NRXN1: variants seen among roughly 807,000 people sequenced by gnomAD.
The protein encoded by NRXN1 is neurexin-1.
NRXN1 carries 39 observed loss-of-function variants against 150.9 expected under a neutral mutation model. The ratio of observed to expected loss-of-function variants is 0.26; its 90% CI spans 0.20 to 0.34. The LOEUF (loss-of-function observed/expected upper bound fraction) is 0.34. NRXN1 is among the 10% of genes least tolerant of loss of function. The probability of loss-of-function intolerance (pLI) is 1.00; values close to 1 mark genes in which losing one functional copy is unlikely to be tolerated. For missense variants in NRXN1, 1,815 were observed against 1,949.9 expected, an observed-to-expected ratio of 0.93 and a Z score of 1.30; for synonymous variants, 924 against 757.0, an observed-to-expected ratio of 1.22 and a Z score of -3.62.
At chr2:50,278,072 T>C (rs1193720537) in intron 17 of NRXN1, among the ~76,000 whole-genome samples, 33 of 133,470 alleles carry the variant, frequency 2.5e-4, no homozygotes, top group Non-Finnish European at 3.3e-4. Context: ...TCTCTCTTTT[T>C]TTTTTTTTTT....
chr2:50,710,674 C>T (rs1162821076), intron 5 of NRXN1, among the ~76,000 whole-genome samples: 1 of 152,096 alleles, frequency 6.6e-6, no homozygotes, highest in Non-Finnish European at 1.5e-5. Flanking sequence ...ATGAACTCGA[C>T]ATTTAGCTTA....
intron 17 of NRXN1, among the ~76,000 whole-genome samples, chr2:50,369,137 T>C (rs2079818748): frequency 6.6e-6 from 1 of 151,936 alleles, no homozygotes; most frequent in African/African-American, 2.4e-5. Context: ...AATAGACTTA[T>C]GGCTATAATC....
At chr2:50,233,854 G>C (rs1373008116) in intron 18 of NRXN1, among the ~76,000 whole-genome samples, 2 of 151,630 alleles carry the variant, frequency 1.3e-5, no homozygotes, top group African/African-American at 2.4e-5. Context: ...ACAATTTATT[G>C]GGCAAACCAA....
At chr2:50,232,839 A>T (rs1559139066) in intron 18 of NRXN1, among the ~76,000 whole-genome samples, 1 of 152,150 alleles carries the variant, frequency 6.6e-6, no homozygotes, top group Non-Finnish European at 1.5e-5. Flanking sequence ...TTAACAAAAA[A>T]TAAACATTCA....
chr2:50,643,288 T>C (rs1684326983), intron 5 of NRXN1, among the ~76,000 whole-genome samples: 1 of 151,990 alleles, frequency 6.6e-6, no homozygotes, highest in Admixed American at 6.6e-5. Flanking sequence ...ATCCTTTATT[T>C]TCTCCTCAAT....
chr2:50,052,729 A>G (rs1398836396), intron 21 of NRXN1, among the ~76,000 whole-genome samples: 1 of 152,186 alleles, frequency 6.6e-6, no homozygotes, highest in Non-Finnish European at 1.5e-5. Flanking sequence ...ATAAACCAAT[A>G]GAATGTTTTT....
chr2:49,922,498 G>T (rs1272793824), intron 22 of NRXN1, among the ~76,000 whole-genome samples: 2 of 152,188 alleles, frequency 1.3e-5, no homozygotes, highest in East Asian at 3.9e-4. Flanking sequence ...ACAGAGTTTG[G>T]TAAGCATTGT....
At chr2:50,329,927 C>T (rs2076727352) in intron 17 of NRXN1, among the ~76,000 whole-genome samples, 1 of 151,514 alleles carries the variant, frequency 6.6e-6, no homozygotes, top group South Asian at 2.1e-4. Flanking sequence ...CCGCCTCGGC[C>T]TCCAAAAGTG....
chr2:51,015,990 A>C (rs1202228621), intron 2 of NRXN1, among the ~76,000 whole-genome samples: 2 of 152,144 alleles, frequency 1.3e-5, no homozygotes, highest in Non-Finnish European at 2.9e-5. Flanking sequence ...AAGCTACAGT[A>C]AACAAAACAG....
At chr2:50,652,734 A>G (rs1233958082) in intron 5 of NRXN1, among the ~76,000 whole-genome samples, 1 of 152,084 alleles carries the variant, frequency 6.6e-6, no homozygotes, top group East Asian at 1.9e-4. Flanking sequence ...CAGCTGAGTC[A>G]TATGATAAAT....
intron 18 of NRXN1, among the ~76,000 whole-genome samples, chr2:50,171,256 T>A (rs150195894): frequency 5.3e-5 from 8 of 152,144 alleles, no homozygotes; most frequent in African/African-American, 1.4e-4. Context: ...TGTGTGTGTT[T>A]GTGTGTGTAA....
intron 21 of NRXN1, among the ~76,000 whole-genome samples, chr2:49,962,541 G>A (rs1676157935): frequency 6.6e-6 from 1 of 152,174 alleles, no homozygotes; most frequent in Non-Finnish European, 1.5e-5. Flanking sequence ...GTAACCCATT[G>A]ACCTGGGGCA....
intron 2 of NRXN1, among the ~76,000 whole-genome samples, chr2:50,946,257 G>A (rs1230615607): frequency 6.6e-6 from 1 of 152,060 alleles, no homozygotes; most frequent in African/African-American, 2.4e-5. Context: ...ATTACACTAT[G>A]AGCATTAGTA....
At chr2:50,435,888 C>T (rs1236611810) in intron 17 of NRXN1, among the ~76,000 whole-genome samples, 4 of 152,084 alleles carry the variant, frequency 2.6e-5, no homozygotes, top group Non-Finnish European at 5.9e-5. Context: ...ATAATCTGTA[C>T]ACCAAAACCC....
intron 13 of NRXN1, among the ~76,000 whole-genome samples, chr2:50,502,415 A>T (rs1159639016): frequency 6.6e-6 from 1 of 151,772 alleles, no homozygotes; most frequent in Non-Finnish European, 1.5e-5. Flanking sequence ...TTCACTCTAC[A>T]ATCTCTTGCA....
At chr2:49,997,205 G>A (rs1683144072) in intron 21 of NRXN1, among the ~76,000 whole-genome samples, 1 of 152,072 alleles carries the variant, frequency 6.6e-6, no homozygotes, top group African/African-American at 2.4e-5. Context: ...TTGAAGATAA[G>A]AGCGCATATC....
intron 6 of NRXN1, 43 bp downstream of exon 6, chr2:50,623,271 C>T (rs764566642): frequency 2.0e-5 from 31 of 1,526,534 alleles, no homozygotes; most frequent in Admixed American, 3.4e-5. Context: ...ACAGCTATAG[C>T]GAGAAACAAA....
chr2:50,313,059 C>CAAAAAAAAAA (rs2075307032), intron 17 of NRXN1, among the ~76,000 whole-genome samples: 1 of 151,904 alleles, frequency 6.6e-6, no homozygotes, highest in African/African-American at 2.4e-5. Context: ...GTAAATGCTA[C>CAAAAAAAAAA]AAAAAATAAA....
intron 17 of NRXN1, among the ~76,000 whole-genome samples, chr2:50,376,729 C>CT (rs1222930850): frequency 1.3e-5 from 2 of 152,116 alleles, no homozygotes; most frequent in Non-Finnish European, 2.9e-5. Context: ...TTAGGCAGAG[C>CT]TTTGTTCCCT....
Sources: allele counts gnomAD v4.1 joint callset (sites outside exome capture counted in the v4.1 genomes callset), GRCh38; gene constraint gnomAD v4.1.1; transcripts MANE v1.5; gene names NCBI Gene and HGNC (gene_info 2026-07-23, HGNC 2026-07-21).